Variants in SLC24A2 observed in about 807,000 individuals in gnomAD.
The protein encoded by SLC24A2 is solute carrier family 24 member 2, also known as sodium/potassium/calcium exchanger 2.
A neutral mutation model predicts 62.0 loss-of-function variants in SLC24A2; 36 were observed. That is an observed-to-expected ratio of 0.58 (90% CI 0.44 to 0.77). The LOEUF (loss-of-function observed/expected upper bound fraction) is 0.77, where lower values mean the gene tolerates loss of function less well. SLC24A2 is among the 30% of genes least tolerant of loss of function. SLC24A2 has a pLI of 0.00. For synonymous variants in SLC24A2, 358 were observed against 294.0 expected, an observed-to-expected ratio of 1.22 and a Z score of -2.23; for missense variants, 846 against 817.9, an observed-to-expected ratio of 1.03 and a Z score of -0.42.
chr9:19,600,003 G>T lies in SLC24A2; in HGVS notation c.1079-2724C>A, dbSNP rs778817385. ...GGGATAGGAGGAAAGAAGTAAGGGA[G>T]TTCAAGAGTCTATTAGTTAACATTA... On this transcript the variant is annotated intron_variant, in intron 4 of 10. Transcript: ENST00000341998. 2.0e-5 allele frequency among the ~76,000 whole-genome samples: 3 copies of T among 152,198 alleles called. No individual in the cohort carries two copies. In the East Asian group the frequency reaches 5.8e-4, roughly 29 times the overall value.
At chr9:20,301,916 G>A in the SLC24A2 span, among the ~76,000 whole-genome samples, 6 of 151,894 alleles carry the variant, frequency 4.0e-5, no homozygotes, top group East Asian at 1.9e-4. Flanking sequence ...CTCCCTCCTC[G>A]CTAAACCCTG....
chr9:20,228,389 T>C, the SLC24A2 span, among the ~76,000 whole-genome samples: 12 of 152,120 alleles, frequency 7.9e-5, no homozygotes, highest in East Asian at 2.3e-3. Context: ...CAGCTCCCAG[T>C]TGCACTCACA....
the SLC24A2 span, among the ~76,000 whole-genome samples, chr9:20,174,482 T>A: frequency 2.0e-5 from 3 of 150,754 alleles, no homozygotes; most frequent in Admixed American, 2.0e-4. Flanking sequence ...ATCCAGAATC[T>A]ACAGCAAACT....
chr9:19,833,386 C>T, the SLC24A2 span, among the ~76,000 whole-genome samples: 6 of 152,162 alleles, frequency 3.9e-5, no homozygotes, highest in East Asian at 1.9e-4. Context: ...CCTAATACTG[C>T]GCTTTTCCAA....
the SLC24A2 span, among the ~76,000 whole-genome samples, chr9:19,871,955 G>A: frequency 2.0e-5 from 3 of 151,160 alleles, no homozygotes; most frequent in African/African-American, 7.3e-5. Context: ...CTTTTTTTTT[G>A]TGGTCTTCTT....
chr9:19,616,223 T>C (rs575455838), intron 4 of SLC24A2, among the ~76,000 whole-genome samples: 224 of 152,306 alleles, frequency 1.5e-3, no homozygotes, highest in African/African-American at 5.1e-3. Flanking sequence ...CTTTTCAAAA[T>C]AATGAAGTAG....
At chr9:20,270,262 T>A in the SLC24A2 span, among the ~76,000 whole-genome samples, 1 of 152,180 alleles carries the variant, frequency 6.6e-6, no homozygotes, top group East Asian at 1.9e-4. Context: ...AATTTCAGCA[T>A]GCATTTTGGT....
the SLC24A2 span, among the ~76,000 whole-genome samples, chr9:19,817,709 T>C: frequency 3.9e-4 from 60 of 151,950 alleles, no homozygotes; most frequent in Non-Finnish European, 7.9e-4. Context: ...CCCTAAATGT[T>C]AGCCTTATAA....
chr9:19,785,234 G>A (rs966993860), intron 2 of SLC24A2, among the ~76,000 whole-genome samples: 9 of 152,220 alleles, frequency 5.9e-5, no homozygotes, highest in Admixed American at 3.3e-4. Context: ...GGCCACGATT[G>A]TTATTAAAAC....
At chr9:20,188,388 C>A in the SLC24A2 span, among the ~76,000 whole-genome samples, 1 of 152,070 alleles carries the variant, frequency 6.6e-6, no homozygotes, top group Non-Finnish European at 1.5e-5. Flanking sequence ...TTAGGAACTC[C>A]AAGTAACACT....
chr9:19,566,323 AAAG>A (rs1835648737), intron 7 of SLC24A2, among the ~76,000 whole-genome samples: 1 of 150,220 alleles, frequency 6.7e-6, no homozygotes, highest in Admixed American at 6.6e-5. Flanking sequence ...ACACTTCTCA[AAAG>A]AAGACATTTA....
chr9:20,122,497 G>A, the SLC24A2 span, among the ~76,000 whole-genome samples: 1 of 152,124 alleles, frequency 6.6e-6, no homozygotes, highest in South Asian at 2.1e-4. Context: ...GACCAGCCTG[G>A]CCAACACGGT....
the SLC24A2 span, among the ~76,000 whole-genome samples, chr9:19,983,556 T>C: frequency 9.9e-5 from 15 of 152,174 alleles, no homozygotes; most frequent in African/African-American, 3.6e-4. Flanking sequence ...GGCAGGAGAA[T>C]TGCTTGTACC....
chr9:19,764,003 C>T (rs932874989), intron 2 of SLC24A2, among the ~76,000 whole-genome samples: 8 of 152,076 alleles, frequency 5.3e-5, no homozygotes, highest in African/African-American at 1.9e-4. Flanking sequence ...TGTTATTGGT[C>T]TACTCAGGGA....
chr9:19,568,762 AT>A (rs1056061952), intron 7 of SLC24A2, among the ~76,000 whole-genome samples: 2 of 152,056 alleles, frequency 1.3e-5, no homozygotes, highest in African/African-American at 2.4e-5. Context: ...GTGTTGCTGC[AT>A]TTTTTTTGGA....
At chr9:19,731,516 C>CTCTCCGTGTGT (rs72153360) in intron 2 of SLC24A2, among the ~76,000 whole-genome samples, 2,545 of 113,778 alleles carry the variant, frequency 0.022, 41 homozygotes, top group African/African-American at 0.046. Flanking sequence ...TCTCTCTCTC[C>CTCTCCGTGTGT]GTGTGTGTGT....
the SLC24A2 span, among the ~76,000 whole-genome samples, chr9:20,028,778 T>C: frequency 1.3e-5 from 2 of 152,234 alleles, no homozygotes; most frequent in Non-Finnish European, 2.9e-5. Context: ...ATTCCGGGCT[T>C]TGTAAATCTT....
At chr9:20,023,095 A>C in the SLC24A2 span, among the ~76,000 whole-genome samples, 1 of 152,220 alleles carries the variant, frequency 6.6e-6, no homozygotes, top group Non-Finnish European at 1.5e-5. Flanking sequence ...GAGCAATCTG[A>C]AAAATTGGTC....
intron 2 of SLC24A2, among the ~76,000 whole-genome samples, chr9:19,733,544 C>T (rs1389800998): frequency 2.0e-5 from 3 of 152,218 alleles, no homozygotes; most frequent in Non-Finnish European, 4.4e-5. Context: ...ACACCTCGCT[C>T]AGCACCCAGG....
Sources: allele counts gnomAD v4.1 joint callset (sites outside exome capture counted in the v4.1 genomes callset), GRCh38; gene constraint gnomAD v4.1.1; transcripts MANE v1.5; gene names NCBI Gene and HGNC (gene_info 2026-07-23, HGNC 2026-07-21).